ARL1: variants seen among roughly 807,000 people sequenced by gnomAD.
The protein encoded by ARL1 is ADP-ribosylation factor-like protein 1.
A neutral mutation model predicts 30.1 loss-of-function variants in ARL1; 17 were observed. The ratio of observed to expected loss-of-function variants is 0.56; its 90% CI spans 0.39 to 0.85. The LOEUF is 0.85. ARL1 is among the 40% of genes least tolerant of loss of function. The pLI is 0.00. For missense variants in ARL1, 102 were observed against 212.6 expected, an observed-to-expected ratio of 0.48 and a Z score of 3.24; for synonymous variants, 58 against 71.7, an observed-to-expected ratio of 0.81 and a Z score of 0.97.
chr12:101,403,502 T>C (rs1344293964), intron 2 of ARL1: 2 of 213,668 alleles, frequency 9.4e-6, no homozygotes, highest in African/African-American at 2.4e-5. Flanking sequence ...ACTTCAGTTC[T>C]AAACTACAGC....
intron 1 of ARL1, 88 bp downstream of exon 1, chr12:101,407,554 T>A: frequency 3.2e-6 from 5 of 1,572,954 alleles, no homozygotes; most frequent in Non-Finnish European, 4.3e-6. Context: ...CTCTAGGGTA[T>A]CCTGGCCGGC....
intron 1 of ARL1, among the ~76,000 whole-genome samples, chr12:101,406,684 T>C (rs188142549): frequency 3.4e-4 from 52 of 152,282 alleles, no homozygotes; most frequent in African/African-American, 1.3e-3. Context: ...ACACTGTTAT[T>C]TGGCAAAGAC....
chr12:101,395,603 A>T lies in ARL1; in HGVS notation c.*37T>A. 6.5e-7 allele frequency: 1 copy of T among 1,537,844 alleles called. No individual in the cohort carries two copies. Among genetic ancestry groups the T allele is most frequent in the Non-Finnish European group, 8.9e-7 (1 of 1,124,098 alleles). ...GACTGTTTCCAAAGGGAGAGAGGTG[A>T]TGTAGTCTTCATTTCAGGGGAGAAG... is the stretch of plus-strand genomic sequence containing the variant. On this transcript the variant is annotated 3_prime_UTR_variant, in exon 6 of 6. Coordinates refer to ENST00000261636, the MANE Select transcript of ARL1 (RefSeq NM_001177.6).
chr12:101,398,252 C>T (rs183943677), intron 4 of ARL1, among the ~76,000 whole-genome samples: 10 of 151,604 alleles, frequency 6.6e-5, no homozygotes, highest in African/African-American at 2.2e-4. Context: ...AAAAATTAGC[C>T]GGGTGTGGTG....
intron 5 of ARL1, 111 bp downstream of exon 5, chr12:101,396,288 G>T: frequency 1.5e-6 from 2 of 1,372,068 alleles, no homozygotes; most frequent in Non-Finnish European, 2.1e-6. Context: ...GAAATAAGCT[G>T]CTAAGTAAAT....
At chr12:101,406,252 G>A (rs1871438003) in intron 1 of ARL1, among the ~76,000 whole-genome samples, 1 of 152,132 alleles carries the variant, frequency 6.6e-6, no homozygotes, top group Admixed American at 6.5e-5. Context: ...CGCGGCCTTT[G>A]GGAATCTCAT....
At chr12:101,402,390 T>C (rs1217894237) in intron 3 of ARL1, among the ~76,000 whole-genome samples, 3 of 152,198 alleles carry the variant, frequency 2.0e-5, no homozygotes, top group African/African-American at 7.2e-5. Context: ...GGTTTCACCA[T>C]GTTGGTCAGG....
intron 2 of ARL1, chr12:101,403,509 C>T (rs906938845): frequency 4.9e-5 from 10 of 203,646 alleles, no homozygotes; most frequent in African/African-American, 9.5e-5. Context: ...TTCTAAACTA[C>T]AGCATGGACA....
chr12:101,399,991 G>A (rs936043553), intron 4 of ARL1, among the ~76,000 whole-genome samples: 2 of 152,030 alleles, frequency 1.3e-5, no homozygotes, highest in Non-Finnish European at 2.9e-5. Flanking sequence ...GCAGGGGCAC[G>A]ATCTCGGCTC....
chr12:101,396,692 TGAAATTATATA>T (rs1277717597), intron 4 of ARL1, 115 bp from the exon 5 acceptor site: 2 of 731,168 alleles, frequency 2.7e-6, no homozygotes, highest in Non-Finnish European at 4.1e-6. Flanking sequence ...TTACACATTA[TGAAATTATATA>T]GAAATTATAT....
intron 2 of ARL1, among the ~76,000 whole-genome samples, chr12:101,404,136 T>C (rs2121123944): frequency 1.3e-5 from 2 of 152,294 alleles, no homozygotes; most frequent in Middle Eastern, 3.4e-3. Context: ...TGCAAGTTCA[T>C]GATGTCTCCC....
intron 2 of ARL1, among the ~76,000 whole-genome samples, chr12:101,404,109 T>A (rs558854462): frequency 6.6e-6 from 1 of 152,350 alleles, no homozygotes; most frequent in African/African-American, 2.4e-5. Flanking sequence ...ATGACAAATT[T>A]GAGCAAAAAA....
At chr12:101,406,636 TA>T (rs1871448010) in intron 1 of ARL1, among the ~76,000 whole-genome samples, 1 of 151,838 alleles carries the variant, frequency 6.6e-6, no homozygotes. Flanking sequence ...CAAGTTACAT[TA>T]ATACAAAAAA....
At chr12:101,402,757 G>T in intron 3 of ARL1, 108 bp downstream of exon 3, 4 of 620,772 alleles carry the variant, frequency 6.4e-6, no homozygotes, top group Non-Finnish European at 1.1e-5. Context: ...AAACTAGGTG[G>T]CTCCATTTAA....
intron 2 of ARL1, 126 bp from the exon 3 acceptor site, chr12:101,403,072 ATTTGTC>A: frequency 2.0e-6 from 1 of 496,866 alleles, no homozygotes; most frequent in Non-Finnish European, 3.5e-6. Context: ...TATATATATA[ATTTGTC>A]TTAGGATTCG....
chr12:101,397,692 G>A (rs554989973), intron 4 of ARL1, among the ~76,000 whole-genome samples: 2 of 152,064 alleles, frequency 1.3e-5, no homozygotes, highest in East Asian at 3.9e-4. Context: ...TAGAGATGAG[G>A]TTTCACCATG....
rs118181759 is a variant in ARL1, at chr12:101,394,016, C to T, written c.*1624G>A. On this transcript the variant is annotated 3_prime_UTR_variant, in exon 6 of 6. Coordinates refer to ENST00000261636, the MANE Select transcript of ARL1 (RefSeq NM_001177.6). ...ACATAAATATGAAAAAGTCTTTGCC[C>T]CTCAGGAGTAATATTGGTTGTACTG... 2,671 of 151,154 alleles carry T rather than the reference C, an allele frequency of 0.018. 36 individuals are homozygous for T. Among genetic ancestry groups the T allele is most frequent in the Middle Eastern group, 0.027 (8 of 294 alleles). 9.4% of individuals were successfully genotyped at this position (151,154 alleles called of 1,614,324 possible). A position where few individuals can be genotyped will look rare whatever the true frequency, so the allele number is the denominator to read the frequency against.
intron 3 of ARL1, 42 bp from the exon 4 acceptor site, chr12:101,401,215 T>A: frequency 7.1e-7 from 1 of 1,412,690 alleles, no homozygotes; most frequent in Non-Finnish European, 1.0e-6. Flanking sequence ...GTTATTGTTT[T>A]AAGGAAGAAA....
chr12:101,399,746 A>T (rs141708618), intron 4 of ARL1, among the ~76,000 whole-genome samples: 77 of 152,112 alleles, frequency 5.1e-4, no homozygotes, highest in Admixed American at 1.0e-3. Context: ...TTTTTTAAAA[A>T]TGGATTATTT....
Sources: allele counts gnomAD v4.1 joint callset (sites outside exome capture counted in the v4.1 genomes callset), GRCh38; gene constraint gnomAD v4.1.1; transcripts MANE v1.5; gene names NCBI Gene and HGNC (gene_info 2026-07-23, HGNC 2026-07-21).